Variants in SHISA6 observed in about 807,000 individuals in gnomAD.
SHISA6 encodes shisa family member 6, also known as protein shisa-6.
A neutral mutation model predicts 47.9 loss-of-function variants in SHISA6; 22 were observed. The ratio of observed to expected loss-of-function variants is 0.46; its 90% confidence interval spans 0.33 to 0.66. SHISA6 has a LOEUF of 0.66. Among genes scored for constraint, SHISA6 ranks in the 30% least tolerant of loss-of-function variants. SHISA6 has a pLI of 0.02. For missense variants in SHISA6, 680 were observed against 764.6 expected (o/e 0.89, Z 1.30); for synonymous variants, 388 against 337.8 (o/e 1.15, Z -1.63).
chr17:11,326,742 T>C (rs998834417), intron 2 of SHISA6, among the ~76,000 whole-genome samples: 15 of 152,198 alleles, frequency 9.9e-5, no homozygotes, highest in Non-Finnish European at 2.1e-4. Context: ...CTTGGAGGCA[T>C]AGATTGAACC....
chr17:11,285,839 T>TC (rs1909278229), intron 2 of SHISA6, among the ~76,000 whole-genome samples: 1 of 143,578 alleles, frequency 7.0e-6, no homozygotes, highest in African/African-American at 2.7e-5. Flanking sequence ...CTCTCTCTCT[T>TC]TTTTTTTTTT....
chr17:11,485,727 G>A (rs1189480599), intron 3 of SHISA6, among the ~76,000 whole-genome samples: 1 of 151,274 alleles, frequency 6.6e-6, no homozygotes. Context: ...AGAAAAGGGG[G>A]AGAAAAATGG....
At chr17:11,422,942 A>G (rs1217643016) in intron 3 of SHISA6, among the ~76,000 whole-genome samples, 1 of 151,864 alleles carries the variant, frequency 6.6e-6, no homozygotes, top group African/African-American at 2.4e-5. Context: ...ATTGCTAGGT[A>G]GATTAAAACG....
chr17:11,458,129 A>G (rs1254772354), intron 3 of SHISA6, among the ~76,000 whole-genome samples: 3 of 151,798 alleles, frequency 2.0e-5, no homozygotes, highest in African/African-American at 7.3e-5. Flanking sequence ...ACAGGGTCTT[A>G]CACTTACCAT....
intron 3 of SHISA6, among the ~76,000 whole-genome samples, chr17:11,454,902 G>A (rs950662105): frequency 2.4e-4 from 36 of 152,276 alleles, no homozygotes; most frequent in African/African-American, 8.4e-4. Flanking sequence ...GGGCACGGTA[G>A]CTCATGCCTA....
At chr17:11,245,668 C>T (rs951922813) in intron 1 of SHISA6, among the ~76,000 whole-genome samples, 1 of 128,478 alleles carries the variant, frequency 7.8e-6, no homozygotes, top group Non-Finnish European at 1.6e-5. Flanking sequence ...ATGCTGGAGA[C>T]GCAGTTGGTG....
intron 3 of SHISA6, among the ~76,000 whole-genome samples, chr17:11,518,422 A>T (rs2071602614): frequency 2.0e-5 from 3 of 152,052 alleles, no homozygotes; most frequent in African/African-American, 7.2e-5. Context: ...GATTTGCTGA[A>T]CTTTAACATG....
Position 11,241,654 on chromosome 17 carries a change from G to A in SHISA6, c.232G>A (p.Ala78Thr). Residue 78 changes from alanine to threonine, a missense_variant, in exon 1 of 6, where the codon GCG becomes ACG. Around this residue, in one of 2 missense-constraint regions of SHISA6, gnomAD observed 559 missense variants for 674.1 expected, o/e 0.83. Transcript: ENST00000441885. This position sits in a 1 kb window ranked among gnomAD's most constrained non-coding sequence, Gnocchi z 5.5. ...PEAGSRRGQP[A>T]AAVAAAASAA... ...GGCGGGAAGCCGGCGGGGGCAGCCC[G>A]CGGCGGCTGTGGCGGCGGCGGCCAG... is the stretch of plus-strand genomic sequence containing the variant. The A allele has an allele frequency of 1.4e-6, 2 of 1,437,034 alleles. No homozygotes were observed. The highest frequency in any genetic ancestry group is 9.1e-7 in the Non-Finnish European group (1 of 1,102,482). 89.0% of individuals were successfully genotyped at this position (1,437,034 alleles called of 1,614,324 possible).
intron 3 of SHISA6, among the ~76,000 whole-genome samples, chr17:11,541,199 T>C (rs1472798029): frequency 1.3e-5 from 2 of 152,234 alleles, no homozygotes; most frequent in African/African-American, 4.8e-5. Flanking sequence ...CCAGCTGCTC[T>C]GGGTGAGGCG....
intron 1 of SHISA6, among the ~76,000 whole-genome samples, chr17:11,250,082 G>T (rs797017743): frequency 6.6e-6 from 1 of 152,254 alleles, no homozygotes; most frequent in Admixed American, 6.5e-5. Context: ...AGTTGAGTCT[G>T]CAGCAAGCAT....
At chr17:11,370,832 GT>G (rs1912611147) in intron 2 of SHISA6, among the ~76,000 whole-genome samples, 1 of 152,150 alleles carries the variant, frequency 6.6e-6, no homozygotes, top group African/African-American at 2.4e-5. Flanking sequence ...TCCCTGAATG[GT>G]TCTGACAAGC....
In SHISA6 at chr17:11,252,841, C is replaced by T. The variant is rs1288277325; in HGVS notation, c.639-10525C>T. Among the ~76,000 whole-genome samples, 9 of 152,314 alleles carry T rather than the reference C, an allele frequency of 5.9e-5. No homozygotes were observed. In the East Asian group the frequency reaches 1.7e-3, roughly 29 times the overall value. On this transcript the variant is annotated intron_variant, in intron 1 of 5. Coordinates refer to ENST00000441885, the MANE Select transcript of SHISA6 (RefSeq NM_207386.4). The stretch of plus-strand genomic sequence containing the variant: ...AACTTGGGGAAGAATCTGGATTCCA[C>T]CTTCCCTGTTGGACTCATAGTTAGC...
intron 2 of SHISA6, among the ~76,000 whole-genome samples, chr17:11,286,071 C>T (rs561519618): frequency 2.6e-5 from 4 of 152,150 alleles, no homozygotes; most frequent in South Asian, 2.1e-4. Context: ...CTCCTGAACT[C>T]GTAGGTGAGA....
intron 1 of SHISA6, among the ~76,000 whole-genome samples, chr17:11,246,145 C>T (rs2142132747): frequency 6.6e-6 from 1 of 152,246 alleles, no homozygotes; most frequent in African/African-American, 2.4e-5. Flanking sequence ...AGCATCTTGC[C>T]TTGGACTGAA....
At chr17:11,395,660 G>A (rs562499472) in intron 3 of SHISA6, among the ~76,000 whole-genome samples, 9 of 151,778 alleles carry the variant, frequency 5.9e-5, no homozygotes, top group African/African-American at 2.2e-4. Context: ...TGGGATTACA[G>A]GCGCCCACCA....
intron 2 of SHISA6, among the ~76,000 whole-genome samples, chr17:11,367,186 G>T (rs1912481296): frequency 6.6e-6 from 1 of 152,164 alleles, no homozygotes; most frequent in East Asian, 1.9e-4. Flanking sequence ...AATAGAACAT[G>T]TAAAGTCATA....
chr17:11,341,182 G>A (rs920574395), intron 2 of SHISA6, among the ~76,000 whole-genome samples: 1 of 152,164 alleles, frequency 6.6e-6, no homozygotes, highest in Non-Finnish European at 1.5e-5. Flanking sequence ...TTTGTCTCAC[G>A]ACTCACAGTT....
intron 2 of SHISA6, among the ~76,000 whole-genome samples, chr17:11,304,458 G>A (rs1910035500): frequency 6.7e-6 from 1 of 149,342 alleles, no homozygotes; most frequent in Non-Finnish European, 1.5e-5. Flanking sequence ...TGATGCCTGG[G>A]ATGCCTGGTA....
chr17:11,408,898 T>C (rs954261208), intron 3 of SHISA6, among the ~76,000 whole-genome samples: 6 of 152,200 alleles, frequency 3.9e-5, no homozygotes, highest in African/African-American at 1.2e-4. Context: ...ACCAGGGTGA[T>C]AGGACACACC....
Sources: allele counts gnomAD v4.1 joint callset (sites outside exome capture counted in the v4.1 genomes callset), GRCh38; gene constraint gnomAD v4.1.1; regional missense constraint gnomAD v4.1.1; non-coding constraint Gnocchi (gnomAD v3.1); transcripts MANE v1.5; gene names NCBI Gene and HGNC (gene_info 2026-07-23, HGNC 2026-07-21).